Variants in STMP1 observed in about 807,000 individuals in gnomAD.
The protein encoded by STMP1 is mitolamban.
STMP1 carries 7 observed loss-of-function variants against 7.0 expected under a neutral mutation model. That is an observed-to-expected ratio of 1.01 (90% CI 0.57 to 1.89). STMP1 has a LOEUF of 1.89. Ranked by LOEUF, STMP1 falls within the 40% of genes most tolerant of loss-of-function variation. The pLI, the probability that STMP1 is intolerant of heterozygous loss-of-function variation, is 0.00. For synonymous variants in STMP1, 19 were observed against 18.4 expected (o/e 1.03, Z -0.08); for missense variants, 45 against 53.0 (o/e 0.85, Z 0.47).
chr7:135,674,590 CTAAAT>C lies in STMP1; in HGVS notation c.*428_*432del, dbSNP rs1795391032. ...ATGGGTACTTGTTAAACATTTGGTA[CTAAAT>C]TATGTTGCTGCAAAGTAATTAAAAT... On this transcript the variant is annotated 3_prime_UTR_variant, in exon 3 of 3. Coordinates refer to ENST00000507606, the MANE Select transcript of STMP1 (RefSeq NM_001130929.2). The C allele has an allele frequency of 6.5e-6, 1 of 154,778 alleles. No individual in the cohort carries two copies. The highest frequency in any genetic ancestry group is 1.4e-5 in the Non-Finnish European group (1 of 69,900). 9.6% of individuals were successfully genotyped at this position (154,778 alleles called of 1,614,324 possible). A position where few individuals can be genotyped will look rare whatever the true frequency, so the allele number is the denominator to read the frequency against.
At chr7:135,671,642 G>T (rs188061126) in intron 1 of STMP1, among the ~76,000 whole-genome samples, 1 of 152,158 alleles carries the variant, frequency 6.6e-6, no homozygotes, top group Non-Finnish European at 1.5e-5. Flanking sequence ...GTCACCAAAT[G>T]AGATAAATAT....
rs112187781 is a variant in STMP1, at chr7:135,675,924, T to TA, written c.*1759_*1760insA. The TA allele has an allele frequency of 0.09, 12,176 of 134,648 alleles. 657 individuals are homozygous for TA. The highest frequency in any genetic ancestry group is 0.14 in the Non-Finnish European group (8,377 of 61,546). The allele number at this position is 134,648 out of a possible 1,614,324, so 8.3% of individuals were successfully genotyped here. A position where few individuals can be genotyped will look rare whatever the true frequency, so the allele number is the denominator to read the frequency against. ...GCAGCGTGATCATGGGCAAGTGGCT[T>TA]TTTTTTTTTTTTTTTTTTGAGACAG... On this transcript the variant is annotated 3_prime_UTR_variant, in exon 3 of 3. Transcript: ENST00000507606.
intron 2 of STMP1, 59 bp from the exon 3 acceptor site, chr7:135,674,032 A>G: frequency 9.8e-7 from 1 of 1,016,024 alleles, no homozygotes; most frequent in South Asian, 1.5e-5. Flanking sequence ...GAGGAAGAGA[A>G]GTACAAGAAT....
chr7:135,666,228 C>T (rs975086934), intron 1 of STMP1, among the ~76,000 whole-genome samples: 1 of 150,606 alleles, frequency 6.6e-6, no homozygotes, highest in Non-Finnish European at 1.5e-5. Flanking sequence ...CTCCTGCACC[C>T]GGCCGGTTTT....
At chr7:135,665,678 G>GT (rs1421734098) in intron 1 of STMP1, 2 of 151,008 alleles carry the variant, frequency 1.3e-5, no homozygotes, top group African/African-American at 2.4e-5. Flanking sequence ...TCCAGTTTTA[G>GT]TGTATGTGCT....
At position 135,675,042 on chromosome 7, in the gene STMP1, C is replaced by A. The variant is rs1420638978; in HGVS notation, c.*877C>A. 6.6e-6 allele frequency: 1 copy of A among 152,136 alleles called. No homozygotes were observed. Among genetic ancestry groups the A allele is most frequent in the Non-Finnish European group, 1.5e-5 (1 of 68,018 alleles). 9.4% of individuals were successfully genotyped at this position (152,136 alleles called of 1,614,324 possible). The stretch of plus-strand genomic sequence containing the variant: ...CAAATGTATAGTAAAATCAGCAGCT[C>A]AAGAAGAATTTCTGCTTCTCTTTGT... On this transcript the variant is annotated 3_prime_UTR_variant, in exon 3 of 3. Coordinates refer to ENST00000507606, the MANE Select transcript of STMP1 (RefSeq NM_001130929.2).
At chr7:135,673,620 T>G (rs1279195576) in intron 2 of STMP1, among the ~76,000 whole-genome samples, 1 of 152,148 alleles carries the variant, frequency 6.6e-6, no homozygotes, top group South Asian at 2.1e-4. Flanking sequence ...TCTGATATCT[T>G]TCACATGCAG....
chr7:135,675,422 G>C lies in STMP1; in HGVS notation c.*1257G>C, dbSNP rs1418958520. The C allele has an allele frequency of 6.6e-6, 1 of 151,542 alleles. No individual in the cohort carries two copies. Among genetic ancestry groups the C allele is most frequent in the African/African-American group, 2.4e-5 (1 of 41,204 alleles). 9.4% of individuals were successfully genotyped at this position (151,542 alleles called of 1,614,324 possible). On this transcript the variant is annotated 3_prime_UTR_variant, in exon 3 of 3. Coordinates refer to ENST00000507606, the MANE Select transcript of STMP1 (RefSeq NM_001130929.2). ...TTCTATACCAGCATGTAAGTAGCAA[G>C]GAACCTCATTCTTTTTTTGGCTGCC... is the stretch of plus-strand genomic sequence containing the variant.
chr7:135,669,773 A>G (rs1795338262), intron 1 of STMP1, among the ~76,000 whole-genome samples: 1 of 152,246 alleles, frequency 6.6e-6, no homozygotes, highest in South Asian at 2.1e-4. Flanking sequence ...AAAGATTTCT[A>G]TTTCTATAGC....
rs1795388466 is a variant in STMP1 at position 135,674,371 on chromosome 7, C to T, written c.*206C>T. On this transcript the variant is annotated 3_prime_UTR_variant, in exon 3 of 3. Transcript: ENST00000507606. The stretch of plus-strand genomic sequence containing the variant: ...CATTTCCAACATACTCACCTCTTCC[C>T]ATAATCCCTTTCCAACTGCATGGGA... 2.0e-6 allele frequency: 1 copy of T among 506,400 alleles called. No individual in the cohort carries two copies. The highest frequency in any genetic ancestry group is 1.9e-5 in the African/African-American group (1 of 51,626). The allele number at this position is 506,400 out of a possible 1,614,324, so 31.4% of individuals were successfully genotyped here.
chr7:135,662,531 C>G lies in STMP1; in HGVS notation c.-49C>G, dbSNP rs1203648145. On this transcript the variant is annotated 5_prime_UTR_variant, in exon 1 of 3. Coordinates refer to ENST00000507606, the MANE Select transcript of STMP1 (RefSeq NM_001130929.2). ...GGGGAGGTAGGCTCGGACCGGCCCG[C>G]GGAGCTGCTGCAGTCCTTCGCGCCC... 6.5e-7 allele frequency: 1 copy of G among 1,536,300 alleles called. No homozygotes were observed. Among genetic ancestry groups the G allele is most frequent in the South Asian group, 1.2e-5 (1 of 83,140 alleles).
rs1363549619 is a variant in STMP1 at position 135,674,222 on chromosome 7, G to A, written c.*57G>A. ...TGATTCTACTGCTCTTGAGGGCCTCGTTTACTATCTGAACCAAAAGCTTTT... is the reference window on the plus strand; with the variant it reads ...TGATTCTACTGCTCTTGAGGGCCTCATTTACTATCTGAACCAAAAGCTTTT... On this transcript the variant is annotated 3_prime_UTR_variant, in exon 3 of 3. Coordinates refer to ENST00000507606, the MANE Select transcript of STMP1 (RefSeq NM_001130929.2). The A allele has an allele frequency of 1.9e-5, 24 of 1,281,080 alleles. No homozygotes were observed. Among genetic ancestry groups the A allele is most frequent in the South Asian group, 1.1e-4 (8 of 71,956 alleles). The allele number at this position is 1,281,080 out of a possible 1,614,324, so 79.4% of individuals were successfully genotyped here. A position where few individuals can be genotyped will look rare whatever the true frequency, so the allele number is the denominator to read the frequency against.
At chr7:135,668,931 G>A (rs1030232576) in intron 1 of STMP1, among the ~76,000 whole-genome samples, 4 of 152,150 alleles carry the variant, frequency 2.6e-5, no homozygotes, top group Admixed American at 6.5e-5. Context: ...AGACATACCC[G>A]AGACTGGGTA....
intron 1 of STMP1, among the ~76,000 whole-genome samples, chr7:135,670,379 G>C (rs1795345145): frequency 6.6e-6 from 1 of 152,150 alleles, no homozygotes; most frequent in South Asian, 2.1e-4. Context: ...CCTGGAAGAA[G>C]TTAGGCATTC....
chr7:135,672,237 C>T (rs980198381), intron 1 of STMP1, among the ~76,000 whole-genome samples: 1 of 152,220 alleles, frequency 6.6e-6, no homozygotes, highest in Non-Finnish European at 1.5e-5. Context: ...CTTTGGCCTC[C>T]CAAAGTGCTG....
chr7:135,665,947 G>C (rs1795286783), intron 1 of STMP1, among the ~76,000 whole-genome samples: 1 of 151,522 alleles, frequency 6.6e-6, no homozygotes. Flanking sequence ...TGTCACCCAG[G>C]CTGGAGTGCA....
At chr7:135,664,228 C>G (rs1002687446) in intron 1 of STMP1, among the ~76,000 whole-genome samples, 5 of 151,958 alleles carry the variant, frequency 3.3e-5, no homozygotes, top group African/African-American at 1.2e-4. Context: ...GAGCTGCTTA[C>G]TATATCTGTT....
intron 2 of STMP1, 59 bp downstream of exon 2, chr7:135,672,865 CTTTG>C (rs1463103498): frequency 2.1e-6 from 3 of 1,421,172 alleles, no homozygotes; most frequent in Non-Finnish European, 2.9e-6. Context: ...AGTGACTTTT[CTTTG>C]TTTGAGGTAA....
intron 1 of STMP1, among the ~76,000 whole-genome samples, chr7:135,670,137 A>G (rs1042220688): frequency 2.0e-5 from 3 of 152,112 alleles, no homozygotes; most frequent in South Asian, 2.1e-4. Context: ...ATTGTCCCCA[A>G]TGTTTCTGTG....
Sources: gnomAD v4.1 joint callset for allele counts (sites outside exome capture counted in the v4.1 genomes callset) on GRCh38, gnomAD v4.1.1 for gene constraint, MANE v1.5 for transcripts, NCBI Gene and HGNC (gene_info 2026-07-23, HGNC 2026-07-21) for gene names.